CASQ1: variants seen among roughly 807,000 people sequenced by gnomAD.
CASQ1 encodes calsequestrin-1.
CASQ1 carries 40 observed loss-of-function variants against 49.5 expected under a neutral mutation model. The ratio of observed to expected loss-of-function variants is 0.81; its 90% CI spans 0.63 to 1.05. CASQ1 has a LOEUF of 1.05. CASQ1 is among the 50% of genes least tolerant of loss of function. The pLI, the probability that CASQ1 is intolerant of heterozygous loss-of-function variation, is 0.00. For synonymous variants in CASQ1, 174 were observed against 187.2 expected (o/e 0.93, Z 0.58); for missense variants, 469 against 486.9 (o/e 0.96, Z 0.35).
At chr1:160,195,692 T>C (rs1302190839) in intron 5 of CASQ1, among the ~76,000 whole-genome samples, 158 bp downstream of exon 5, 1 of 139,784 alleles carries the variant, frequency 7.2e-6, no homozygotes, top group East Asian at 2.3e-4. Flanking sequence ...GATTTAGAGC[T>C]GAAGAGGGGC....
At position 160,198,684 on chromosome 1, in the gene CASQ1, A is replaced by T. The variant is rs749804387; in HGVS notation, c.836A>T (p.Asp279Val). 20 of 1,613,440 alleles carry T rather than the reference A, an allele frequency of 1.2e-5. No individual in the cohort carries two copies. The Admixed American group carries it at 1.7e-4, about 13-fold the overall frequency. The change falls in exon 8 of 11, where the codon GAT becomes GTT. Residue 279 changes from aspartate (D) to valine (V), a missense_variant. Coordinates refer to ENST00000368078, the MANE Select transcript of CASQ1 (RefSeq NM_001231.5). ...CTTCTTACCCCCTGACAGGAGGATG[A>T]TATGGATGGAATCCACATTGTGGCC... ...PESMYETWED[D>V]MDGIHIVAFA...
In CASQ1 at chr1:160,197,495, C is replaced by T. The variant is rs1050798680; in HGVS notation, c.783-74C>T. 4 of 1,098,594 alleles carry T rather than the reference C, an allele frequency of 3.6e-6. No individual in the cohort carries two copies. The African/African-American group carries it at 6.2e-5, about 17-fold the overall frequency. 68.1% of individuals were successfully genotyped at this position (1,098,594 alleles called of 1,614,324 possible). On this transcript the variant is annotated intron_variant, in intron 6 of 10. Transcript: ENST00000368078. Reference sequence around the variant, plus strand: ...GCCCTGGGCCTGACCTAGAGGCAGCCTTTGCTACAGGACCCTCTGGAGGGG... The same window carrying T: ...GCCCTGGGCCTGACCTAGAGGCAGCTTTTGCTACAGGACCCTCTGGAGGGG...
intron 6 of CASQ1, among the ~76,000 whole-genome samples, chr1:160,197,275 TAGTG>T (rs1028819587): frequency 3.3e-5 from 5 of 152,198 alleles, no homozygotes; most frequent in Non-Finnish European, 2.9e-5. Flanking sequence ...CACTCAATCA[TAGTG>T]AGTGAGTGAA....
Position 160,198,746 on chromosome 1 carries a change from C to A in CASQ1, c.883+15C>A. The stretch of plus-strand genomic sequence containing the variant: ...AGCTGATCCTGGTGAGGGAGGAATA[C>A]CGGGTTGGACTGGAGGGAAGGCAGG... On this transcript the variant is annotated intron_variant, in intron 8 of 10. Coordinates refer to ENST00000368078, the MANE Select transcript of CASQ1 (RefSeq NM_001231.5). 6.2e-7 allele frequency: 1 copy of A among 1,610,090 alleles called. No homozygotes were observed. The highest frequency in any genetic ancestry group is 8.5e-7 in the Non-Finnish European group (1 of 1,176,446).
intron 3 of CASQ1, among the ~76,000 whole-genome samples, chr1:160,194,061 CAAT>C (rs1243602181): frequency 1.3e-5 from 2 of 151,094 alleles, no homozygotes; most frequent in Admixed American, 6.6e-5. Flanking sequence ...CACATGCACA[CAAT>C]AGTTCACAAA....
At chr1:160,194,854 C>G (rs1349406488) in intron 3 of CASQ1, among the ~76,000 whole-genome samples, 158 bp from the exon 4 acceptor site, 6 of 151,590 alleles carry the variant, frequency 4.0e-5, no homozygotes. Flanking sequence ...ACATCACACA[C>G]TATACACACA....
intron 7 of CASQ1, 61 bp downstream of exon 7, chr1:160,197,675 C>A: frequency 8.7e-7 from 1 of 1,144,988 alleles, no homozygotes; most frequent in Non-Finnish European, 1.3e-6. Flanking sequence ...AGACTCAAGT[C>A]CTAGAAAAAC....
chr1:160,192,796 C>T lies in CASQ1; in HGVS notation c.280-6C>T, dbSNP rs1654107520. The T allele has an allele frequency of 6.2e-7, 1 of 1,613,034 alleles. No homozygotes were observed. Among genetic ancestry groups the T allele is most frequent in the African/African-American group, 1.3e-5 (1 of 74,890 alleles). On this transcript the variant is annotated splice_polypyrimidine_tract_variant and splice_region_variant and intron_variant, in intron 1 of 10. Transcript: ENST00000368078. The stretch of plus-strand genomic sequence containing the variant: ...GGCTAATTTTAATCATAATCCTTCC[C>T]TCCAGTTAGCAGCCCAAGTCCTAGA...
Position 160,198,688 on chromosome 1 carries a change from G to C in CASQ1, c.840G>C (p.Met280Ile). The C allele has an allele frequency of 6.2e-7, 1 of 1,613,690 alleles. No individual in the cohort carries two copies. Among genetic ancestry groups the C allele is most frequent in the African/African-American group, 1.3e-5 (1 of 75,026 alleles). Reference sequence around the variant, plus strand: ...TTACCCCCTGACAGGAGGATGATATGGATGGAATCCACATTGTGGCCTTCG... The same window carrying C: ...TTACCCCCTGACAGGAGGATGATATCGATGGAATCCACATTGTGGCCTTCG... ...ESMYETWEDD[M>I]DGIHIVAFAE... The change falls in exon 8 of 11, where the codon ATG becomes ATC. Residue 280 changes from methionine to isoleucine, a missense_variant. Coordinates refer to ENST00000368078, the MANE Select transcript of CASQ1 (RefSeq NM_001231.5).
chr1:160,191,632 T>C (rs888304513), intron 1 of CASQ1, among the ~76,000 whole-genome samples: 1 of 152,210 alleles, frequency 6.6e-6, no homozygotes, highest in African/African-American at 2.4e-5. Flanking sequence ...AAAATTCTTA[T>C]GGTTGCAGGA....
chr1:160,201,068 TG>T (rs1453632581), intron 10 of CASQ1, among the ~76,000 whole-genome samples, 176 bp from the exon 11 acceptor site: 1 of 43,404 alleles, frequency 2.3e-5, no homozygotes, highest in East Asian at 7.6e-4. Flanking sequence ...CACTCTCACC[TG>T]TCACTATTCT....
chr1:160,195,474 C>A lies in CASQ1; in HGVS notation c.591C>A (p.Phe197Leu), dbSNP rs141157148. ...KSKDSEHYKA[F>L]EDAAEEFHPY... ...TCCACCCCCCAGATTACAAAGCCTT[C>A]GAGGATGCAGCTGAGGAGTTTCATC... The change falls in exon 5 of 11, where the codon TTC (phenylalanine) becomes TTA (leucine). Residue 197 changes from phenylalanine to leucine, a missense_variant. By Grantham distance (22) the Phe-to-Leu change is conservative. Coordinates refer to ENST00000368078, the MANE Select transcript of CASQ1 (RefSeq NM_001231.5). The A allele has an allele frequency of 6.2e-7, 1 of 1,614,066 alleles. No individual in the cohort carries two copies. Among genetic ancestry groups the A allele is most frequent in the South Asian group, 1.1e-5 (1 of 91,076 alleles).
chr1:160,200,197 C>A (rs1052429349), intron 10 of CASQ1, among the ~76,000 whole-genome samples: 3 of 152,240 alleles, frequency 2.0e-5, no homozygotes, highest in Admixed American at 2.0e-4. Flanking sequence ...CCCTCCCTGG[C>A]ACTCCCAGGG....
intron 9 of CASQ1, 50 bp from the exon 10 acceptor site, chr1:160,199,801 C>A: frequency 1.6e-6 from 2 of 1,251,922 alleles, no homozygotes; most frequent in South Asian, 1.2e-5. Flanking sequence ...CTCCTGGATT[C>A]ATGTGCTCCC....
At position 160,192,853 on chromosome 1, in the gene CASQ1, T is replaced by G; in HGVS notation, c.331T>G (p.Ser111Ala). 4.3e-6 allele frequency: 7 copies of G among 1,613,914 alleles called. No individual in the cohort carries two copies. Among genetic ancestry groups the G allele is most frequent in the Non-Finnish European group, 5.9e-6 (7 of 1,179,920 alleles). ...DKGVGFGLVD[S>A]EKDAAVAKKL... ...GGGTGTTGGCTTCGGGCTGGTAGAC[T>G]CTGAGAAGGATGCAGCTGTGGCCAA... The change falls in exon 2 of 11, where the codon TCT (serine) becomes GCT (alanine). Residue 111 changes from serine (S) to alanine (A), a missense_variant. Physicochemically the swap from Ser to Ala is moderately conservative, Grantham distance 99. Transcript: ENST00000368078.
intron 6 of CASQ1, 91 bp from the exon 7 acceptor site, chr1:160,197,478 C>T: frequency 1.1e-6 from 1 of 905,794 alleles, no homozygotes; most frequent in Admixed American, 1.7e-5. Flanking sequence ...GTGCCCTGGG[C>T]CTGACCTAGA....
At chr1:160,192,533 G>C (rs1233620909) in intron 1 of CASQ1, 2 of 370,862 alleles carry the variant, frequency 5.4e-6, no homozygotes, top group East Asian at 1.1e-4. Flanking sequence ...GTACCTCTTA[G>C]GCACTGGGAA....
At position 160,195,881 on chromosome 1, in the gene CASQ1, A is replaced by G; in HGVS notation, c.652-16A>G. ...GTGTCTCCTGCTCCACTCCCCTCCT[A>G]CCCCCTCTCCCAAAGGTGGCAAAGA... On this transcript the variant is annotated splice_polypyrimidine_tract_variant and intron_variant, in intron 5 of 10. Coordinates refer to ENST00000368078, the MANE Select transcript of CASQ1 (RefSeq NM_001231.5). 6.2e-7 allele frequency: 1 copy of G among 1,609,402 alleles called. No individual in the cohort carries two copies. The highest frequency in any genetic ancestry group is 8.5e-7 in the Non-Finnish European group (1 of 1,177,892).
chr1:160,193,800 T>G lies in CASQ1; in HGVS notation c.418T>G (p.Tyr140Asp). ...YVFKGDEVIEYDGEFSADTIV... is the reference protein window; with the variant it reads ...YVFKGDEVIEDDGEFSADTIV... Reference sequence around the variant, plus strand: ...ATTCAAGGGAGATGAAGTCATTGAGTACGATGGCGAGTTTTCTGCTGACAC... The same window carrying G: ...ATTCAAGGGAGATGAAGTCATTGAGGACGATGGCGAGTTTTCTGCTGACAC... The change falls in exon 3 of 11, where the codon TAC becomes GAC. Residue 140 changes from tyrosine to aspartate, a missense_variant. Physicochemically the swap from Tyr to Asp is radical, Grantham distance 160 (BLOSUM62 -3). Coordinates refer to ENST00000368078, the MANE Select transcript of CASQ1 (RefSeq NM_001231.5). 6.2e-7 allele frequency: 1 copy of G among 1,613,076 alleles called. No homozygotes were observed.
Sources: gnomAD v4.1 joint callset for allele counts (sites outside exome capture counted in the v4.1 genomes callset) on GRCh38, gnomAD v4.1.1 for gene constraint, MANE v1.5 for transcripts, NCBI Gene and HGNC (gene_info 2026-07-23, HGNC 2026-07-21) for gene names.